Variants in RNASE4 observed in about 807,000 individuals in gnomAD.
RNASE4 encodes ribonuclease A family member 4.
For missense variants in RNASE4, 194 were observed against 192.8 expected (o/e 1.01, Z -0.04); for synonymous variants, 93 against 71.4 (o/e 1.30, Z -1.52).
At chr14:20,695,396 A>AAC (rs1191188356) in intron 1 of RNASE4, among the ~76,000 whole-genome samples, 1 of 147,988 alleles carries the variant, frequency 6.8e-6, no homozygotes, top group East Asian at 2.0e-4. Flanking sequence ...CTCCATCTCA[A>AAC]AAAAAAAAAA....
At chr14:20,698,084 T>C (rs1249152932) in intron 1 of RNASE4, among the ~76,000 whole-genome samples, 1 of 152,150 alleles carries the variant, frequency 6.6e-6, no homozygotes, top group Non-Finnish European at 1.5e-5. Context: ...GCACAGGGTG[T>C]AGACTAAGAT....
At chr14:20,698,881 G>A (rs955292275) in intron 1 of RNASE4, 1 of 152,742 alleles carries the variant, frequency 6.5e-6, no homozygotes, top group Admixed American at 6.5e-5. Flanking sequence ...CAGATGTAAG[G>A]TATTAAAAGT....
chr14:20,697,729 A>G (rs1887140515), intron 1 of RNASE4, among the ~76,000 whole-genome samples: 1 of 152,226 alleles, frequency 6.6e-6, no homozygotes. Context: ...TAGGAGTTCA[A>G]CTGGGGTCAG....
intron 1 of RNASE4, among the ~76,000 whole-genome samples, chr14:20,697,302 T>C (rs1331295172): frequency 2.0e-5 from 3 of 151,084 alleles, no homozygotes; most frequent in Admixed American, 6.6e-5. Context: ...AACCAAAGTA[T>C]ATTGATCTGC....
intron 1 of RNASE4, among the ~76,000 whole-genome samples, chr14:20,698,004 G>T (rs571721972): frequency 1.6e-4 from 24 of 152,318 alleles, no homozygotes; most frequent in Non-Finnish European, 3.1e-4. Context: ...TAGCAATTCT[G>T]AGCATAAATG....
In RNASE4 at chr14:20,699,581, C is replaced by G; in HGVS notation, c.210C>G (p.Phe70Leu). The change falls in exon 2 of 2, where the codon TTC becomes TTG. Residue 70 changes from phenylalanine to leucine, a missense_variant. Physicochemically the swap from Phe to Leu is conservative, Grantham distance 22 (BLOSUM62 0). Coordinates refer to ENST00000555835, the MANE Select transcript of RNASE4 (RefSeq NM_002937.5). ...RKMTLYHCKR[F>L]NTFIHEDIWN... ...TGACTTTGTATCACTGCAAGCGCTT[C>G]AACACCTTCATCCATGAAGATATCT... is the stretch of plus-strand genomic sequence containing the variant. The G allele has an allele frequency of 6.2e-7, 1 of 1,614,206 alleles. No homozygotes were observed. Among genetic ancestry groups the G allele is most frequent in the Non-Finnish European group, 8.5e-7 (1 of 1,180,050 alleles).
Position 20,699,976 on chromosome 14 carries a change from G to C in RNASE4, c.*161G>C, listed in dbSNP as rs1887241839. On this transcript the variant is annotated 3_prime_UTR_variant, in exon 2 of 2. Transcript: ENST00000555835. ...TCTATTAAATACATTGCACCAAAGA[G>C]ATATGGAGACATAAACCTGTAATGA... 1 of 651,316 alleles carries C rather than the reference G, an allele frequency of 1.5e-6. No homozygotes were observed. The allele number at this position is 651,316 out of a possible 1,614,324, so 40.3% of individuals were successfully genotyped here.
intron 1 of RNASE4, chr14:20,693,629 C>A (rs762965174): frequency 6.2e-7 from 1 of 1,614,084 alleles, no homozygotes; most frequent in Non-Finnish European, 8.5e-7. Context: ...ACCCCACCGA[C>A]CCTGGCTCAG....
rs776964017 is a variant in RNASE4, at chr14:20,699,533, C to G, written c.162C>G (p.Asn54Lys). 2.0e-5 allele frequency: 32 copies of G among 1,614,102 alleles called. No homozygotes were observed. Among genetic ancestry groups the G allele is most frequent in the Non-Finnish European group, 2.7e-5 (32 of 1,180,060 alleles). ...CAGGTGGCAGTGATCGCTACTGCAA[C>G]TTGATGATGCAAAGACGGAAGATGA... ...EETGGSDRYC[N>K]LMMQRRKMTL... is the part of the protein sequence containing the mutation. Residue 54 changes from asparagine (N) to lysine (K), a missense_variant, in exon 2 of 2, where the codon AAC becomes AAG. Asn to Lys is a moderately conservative substitution (Grantham distance 94). Coordinates refer to ENST00000555835, the MANE Select transcript of RNASE4 (RefSeq NM_002937.5).
chr14:20,686,002 T>G (rs923465279), intron 1 of RNASE4, among the ~76,000 whole-genome samples: 1 of 148,882 alleles, frequency 6.7e-6, no homozygotes, highest in Non-Finnish European at 1.5e-5. Context: ...ATTGCGTCAC[T>G]GCACTCTAGC....
At chr14:20,690,106 T>A (rs1193047897) in intron 1 of RNASE4, among the ~76,000 whole-genome samples, 1 of 145,878 alleles carries the variant, frequency 6.9e-6, no homozygotes, top group Non-Finnish European at 1.5e-5. Flanking sequence ...TCCCAGCTAC[T>A]CGGGAGGCTG....
At chr14:20,691,062 C>T (rs1035895131) in intron 1 of RNASE4, among the ~76,000 whole-genome samples, 1 of 152,174 alleles carries the variant, frequency 6.6e-6, no homozygotes, top group Admixed American at 6.5e-5. Context: ...TAATGCAGAG[C>T]GAGTTTGGAC....
chr14:20,695,461 A>C (rs1328892123), intron 1 of RNASE4, among the ~76,000 whole-genome samples: 1 of 151,998 alleles, frequency 6.6e-6, no homozygotes, highest in Non-Finnish European at 1.5e-5. Context: ...TCAATTCTCA[A>C]GATTTGTTTT....
chr14:20,698,016 C>CT (rs1228587196), intron 1 of RNASE4, among the ~76,000 whole-genome samples: 1 of 152,144 alleles, frequency 6.6e-6, no homozygotes, highest in Non-Finnish European at 1.5e-5. Context: ...GCATAAATGT[C>CT]TTTGATATCC....
rs1291898493 is a variant in RNASE4, at chr14:20,699,690, A to G, written c.319A>G (p.Thr107Ala). Reference protein sequence around the residue: ...MNCHEGVVKVTDCRDTGSSRA... With the variant: ...MNCHEGVVKVADCRDTGSSRA... ...CTGCCATGAGGGTGTAGTGAAGGTC[A>G]CAGATTGCAGGGACACAGGAAGTTC... Residue 107 changes from threonine to alanine, a missense_variant, in exon 2 of 2, where the codon ACA (threonine) becomes GCA (alanine). Transcript: ENST00000555835. 4 of 1,610,136 alleles carry G rather than the reference A, an allele frequency of 2.5e-6. No homozygotes were observed. The highest frequency in any genetic ancestry group is 3.4e-6 in the Non-Finnish European group (4 of 1,180,022).
chr14:20,694,446 T>G (rs1414468760), intron 1 of RNASE4, among the ~76,000 whole-genome samples: 1 of 151,996 alleles, frequency 6.6e-6, no homozygotes, highest in African/African-American at 2.4e-5. Context: ...ATTACAGGCA[T>G]GCACCACCAC....
chr14:20,689,543 C>G (rs1886598248), intron 1 of RNASE4, among the ~76,000 whole-genome samples: 2 of 152,144 alleles, frequency 1.3e-5, no homozygotes, highest in South Asian at 4.1e-4. Flanking sequence ...GAATACTGAA[C>G]ATTGCCTGTG....
chr14:20,693,024 T>G (rs1038178821), intron 1 of RNASE4, among the ~76,000 whole-genome samples: 3 of 151,756 alleles, frequency 2.0e-5, no homozygotes, highest in South Asian at 2.1e-4. Flanking sequence ...ATTTTTTGTA[T>G]TTTTAGTAGA....
chr14:20,694,989 A>T (rs948321968), intron 1 of RNASE4, among the ~76,000 whole-genome samples: 12 of 152,192 alleles, frequency 7.9e-5, no homozygotes, highest in Non-Finnish European at 1.8e-4. Context: ...TGCTCCCAGG[A>T]TATTCTCTTG....
Sources: gnomAD v4.1 joint callset for allele counts (sites outside exome capture counted in the v4.1 genomes callset) on GRCh38, gnomAD v4.1.1 for gene constraint, MANE v1.5 for transcripts, NCBI Gene and HGNC (gene_info 2026-07-23, HGNC 2026-07-21) for gene names.